NELL1: variants seen among roughly 807,000 people sequenced by gnomAD.
NELL1 encodes neural EGFL like 1.
In NELL1, 76 loss-of-function variants were observed where a neutral mutation model predicts 107.4. The ratio of observed to expected loss-of-function variants is 0.71; its 90% CI spans 0.59 to 0.86. The LOEUF (loss-of-function observed/expected upper bound fraction) is 0.86, where lower values mean the gene tolerates loss of function less well. NELL1 is among the 40% of genes least tolerant of loss of function. The pLI is 0.00. For missense variants in NELL1, 1,024 were observed against 1,005.5 expected, an observed-to-expected ratio of 1.02 and a Z score of -0.25; for synonymous variants, 353 against 341.2, an observed-to-expected ratio of 1.03 and a Z score of -0.38.
In NELL1 at chr11:21,212,949, T is replaced by C. The variant is rs1393997704; in HGVS notation, c.1427-16383T>C. Among the ~76,000 whole-genome samples the C allele has an allele frequency of 2.6e-5, 4 of 152,196 alleles. No homozygotes were observed. The South Asian group carries it at 6.2e-4, about 24-fold the overall frequency. ...TATTTACAGAAGGCATAATTTTCTA[T>C]GTAGAAAATGTCAAGAAATTATAAA... On this transcript the variant is annotated intron_variant, in intron 13 of 19. Transcript: ENST00000357134.
chr11:21,572,255 T>A (rs1020749120), intron 18 of NELL1, among the ~76,000 whole-genome samples: 4 of 151,874 alleles, frequency 2.6e-5, no homozygotes, highest in Admixed American at 6.6e-5. Flanking sequence ...AAGTGTATCC[T>A]CTTCCATCCT....
At chr11:21,318,087 A>G (rs556986450) in intron 14 of NELL1, among the ~76,000 whole-genome samples, 1 of 152,224 alleles carries the variant, frequency 6.6e-6, no homozygotes, top group East Asian at 1.9e-4. Flanking sequence ...GTCAATTGTG[A>G]ACAATTTAAG....
At chr11:20,991,527 T>G (rs1227158108) in intron 12 of NELL1, among the ~76,000 whole-genome samples, 2 of 152,358 alleles carry the variant, frequency 1.3e-5, no homozygotes, top group East Asian at 3.9e-4. Context: ...GATCTTGGGC[T>G]AGAATTAAAA....
intron 15 of NELL1, among the ~76,000 whole-genome samples, chr11:21,482,696 G>C (rs1392568564): frequency 6.6e-6 from 1 of 151,524 alleles, no homozygotes; most frequent in Non-Finnish European, 1.5e-5. Flanking sequence ...CTCTCCAGTG[G>C]TGGAACTCAG....
chr11:21,216,524 A>T (rs370577662), intron 13 of NELL1, among the ~76,000 whole-genome samples: 1 of 152,220 alleles, frequency 6.6e-6, no homozygotes, highest in Non-Finnish European at 1.5e-5. Flanking sequence ...TTGCAAAGCC[A>T]CAGGGCTGGA....
At chr11:21,184,150 CTT>C (rs1856884461) in intron 13 of NELL1, among the ~76,000 whole-genome samples, 2 of 151,870 alleles carry the variant, frequency 1.3e-5, no homozygotes, top group Admixed American at 6.6e-5. Flanking sequence ...TCAGTTTCCT[CTT>C]TTGTAAAATG....
intron 4 of NELL1, among the ~76,000 whole-genome samples, chr11:20,882,624 C>T (rs966747833): frequency 1.1e-4 from 16 of 152,190 alleles, no homozygotes; most frequent in Admixed American, 6.5e-4. Context: ...CCCCTAAATA[C>T]TTCAGTGCCT....
intron 13 of NELL1, among the ~76,000 whole-genome samples, chr11:21,202,927 G>A (rs765809670): frequency 2.0e-5 from 3 of 152,104 alleles, no homozygotes; most frequent in East Asian, 1.9e-4. Flanking sequence ...CCATGTAGTC[G>A]TGCAGTTTTG....
chr11:20,983,345 C>G (rs893252384), intron 12 of NELL1, among the ~76,000 whole-genome samples: 38 of 152,132 alleles, frequency 2.5e-4, no homozygotes, highest in African/African-American at 9.2e-4. Context: ...CCCCATCCCC[C>G]ATCCCCAACC....
At chr11:21,265,173 T>G (rs556199825) in intron 14 of NELL1, among the ~76,000 whole-genome samples, 1 of 152,174 alleles carries the variant, frequency 6.6e-6, no homozygotes, top group Non-Finnish European at 1.5e-5. Flanking sequence ...CTTTCGTGAG[T>G]AGACTATAAA....
At chr11:20,690,589 T>C (rs1854436866) in intron 2 of NELL1, among the ~76,000 whole-genome samples, 1 of 146,590 alleles carries the variant, frequency 6.8e-6, no homozygotes, top group South Asian at 2.2e-4. Flanking sequence ...GATCAGATAG[T>C]TGTAGATATG....
intron 13 of NELL1, among the ~76,000 whole-genome samples, chr11:21,124,916 A>C (rs1855455270): frequency 6.6e-6 from 1 of 152,042 alleles, no homozygotes; most frequent in South Asian, 2.1e-4. Context: ...ATGTTTTCTT[A>C]CTGTGTGCTC....
At chr11:21,211,149 A>T (rs1218646910) in intron 13 of NELL1, among the ~76,000 whole-genome samples, 1 of 152,174 alleles carries the variant, frequency 6.6e-6, no homozygotes, top group East Asian at 1.9e-4. Flanking sequence ...GATTAGTCCT[A>T]TGAAGGAAAT....
intron 2 of NELL1, among the ~76,000 whole-genome samples, chr11:20,686,776 CTTAAT>C (rs1330872182): frequency 6.6e-6 from 1 of 152,114 alleles, no homozygotes; most frequent in Non-Finnish European, 1.5e-5. Context: ...TTAGGCTAAA[CTTAAT>C]TTAACAATTC....
intron 14 of NELL1, among the ~76,000 whole-genome samples, chr11:21,364,702 C>A (rs1400387316): frequency 1.3e-5 from 2 of 152,122 alleles, no homozygotes; most frequent in Non-Finnish European, 2.9e-5. Flanking sequence ...GTTAGCAATG[C>A]ATAGTCTTAA....
intron 15 of NELL1, among the ~76,000 whole-genome samples, chr11:21,483,796 G>A (rs1854550964): frequency 6.8e-6 from 1 of 147,362 alleles, no homozygotes; most frequent in African/African-American, 2.5e-5. Context: ...CCCAAATAAT[G>A]GAATATTGTG....
chr11:21,253,096 G>T (rs1044476011), intron 14 of NELL1, among the ~76,000 whole-genome samples: 3 of 152,056 alleles, frequency 2.0e-5, no homozygotes, highest in African/African-American at 7.2e-5. Context: ...CTCATTTGTA[G>T]ACAACCAGGC....
chr11:21,300,599 A>G (rs1170232188), intron 14 of NELL1, among the ~76,000 whole-genome samples: 1 of 151,906 alleles, frequency 6.6e-6, no homozygotes, highest in African/African-American at 2.4e-5. Context: ...TCCAAAATAG[A>G]GGCTTTTCCA....
chr11:21,323,989 C>T (rs946869499), intron 14 of NELL1, among the ~76,000 whole-genome samples: 3 of 152,156 alleles, frequency 2.0e-5, no homozygotes, highest in African/African-American at 7.2e-5. Context: ...TACCTCACTT[C>T]CTGCTTTGGA....
Sources: allele counts gnomAD v4.1 joint callset (sites outside exome capture counted in the v4.1 genomes callset), GRCh38; gene constraint gnomAD v4.1.1; transcripts MANE v1.5; gene names NCBI Gene and HGNC (gene_info 2026-07-23, HGNC 2026-07-21).